CHD8: variants seen among roughly 807,000 people sequenced by gnomAD.
CHD8 encodes ATP-dependent chromatin remodeler CHD8.
A neutral mutation model predicts 279.2 loss-of-function variants in CHD8; 31 were observed. The observed-to-expected ratio is 0.11, with a 90% CI of 0.08 to 0.15. CHD8 has a LOEUF of 0.15. Ranked by LOEUF, CHD8 falls within the 10% of genes least tolerant of loss-of-function variation. The pLI, the probability that CHD8 is intolerant of heterozygous loss-of-function variation, is 1.00. For missense variants in CHD8, 2,146 were observed against 3,230.5 expected, an observed-to-expected ratio of 0.66 and a Z score of 8.14; for synonymous variants, 1,081 against 1,139.6, an observed-to-expected ratio of 0.95 and a Z score of 1.04.
chr14:21,399,922 A>C lies in CHD8; in HGVS notation c.4817+59T>G, dbSNP rs1399266498. The C allele has an allele frequency of 4.3e-6, 6 of 1,399,978 alleles. No individual in the cohort carries two copies. In the African/African-American group the frequency reaches 7.1e-5, roughly 17 times the overall value. 86.7% of individuals were successfully genotyped at this position (1,399,978 alleles called of 1,614,324 possible). ...AAGATAGCATAAAATGAAATAAGCA[A>C]ACCAATCTTCCCTCAAATAAGGTAG... On this transcript the variant is annotated intron_variant, in intron 25 of 37. Transcript: ENST00000646647.
rs1887857831 is a variant in CHD8, at chr14:21,397,875, C to T, written c.4999G>A (p.Ala1667Thr). ...LEKAGRPDDKAIAAEHRVLDN... is the reference protein window; with the variant it reads ...LEKAGRPDDKTIAAEHRVLDN... The stretch of plus-strand genomic sequence containing the variant: ...AACACTCGATGTTCTGCTGCAATTG[C>T]TTTGTCATCTGGTCGGCCAGCCTTT... The change falls in exon 27 of 38, where the codon GCA (alanine) becomes ACA (threonine). Residue 1667 changes from alanine (A) to threonine (T), a missense_variant. Physicochemically the swap from Ala to Thr is moderately conservative, Grantham distance 58. This residue lies in a region of CHD8 where 75 missense variants were observed against 81.3 expected (regional missense o/e 0.92). Transcript: ENST00000646647. The T allele has an allele frequency of 1.2e-6, 2 of 1,613,168 alleles. No homozygotes were observed.
chr14:21,403,481 T>C lies in CHD8; in HGVS notation c.3490A>G (p.Ile1164Val). ...IFSQMVRCLD[I>V]LEDYLIQRRY... ...CTCTGGATTAAATAATCCTCTAGGA[T>C]GTCTAGGCAGCGCACCATCTGAGAG... The change falls in exon 17 of 38, where the codon ATC becomes GTC. Residue 1164 changes from isoleucine to valine, a missense_variant. By Grantham distance (29) the Ile-to-Val change is conservative. Coordinates refer to ENST00000646647, the MANE Select transcript of CHD8 (RefSeq NM_001170629.2). This position sits in a 1 kb window ranked among gnomAD's most constrained non-coding sequence, Gnocchi z 4.3. The C allele has an allele frequency of 1.2e-6, 2 of 1,613,408 alleles. No homozygotes were observed. Among genetic ancestry groups the C allele is most frequent in the Non-Finnish European group, 1.7e-6 (2 of 1,179,452 alleles).
chr14:21,441,625 A>C (rs974794529), intron 1 of CHD8, among the ~76,000 whole-genome samples: 7 of 152,188 alleles, frequency 4.6e-5, no homozygotes, highest in African/African-American at 9.6e-5. Flanking sequence ...GTGGTGGCTC[A>C]TGCCTGTAAT....
At position 21,394,966 on chromosome 14, in the gene CHD8, C is replaced by A; in HGVS notation, c.5336G>T (p.Arg1779Leu). ...TTTCAGCTTGAAGGCTGCTTCACAACGCCGCCTTCGCCGGTCCCCACGTTC... is the reference window on the plus strand; with the variant it reads ...TTTCAGCTTGAAGGCTGCTTCACAAAGCCGCCTTCGCCGGTCCCCACGTTC... ...AAERGDRRRR[R>L]CEAAFKLKEI... Residue 1779 changes from arginine (R) to leucine (L), a missense_variant, in exon 30 of 38, where the codon CGT becomes CTT. Transcript: ENST00000646647. 1 of 1,614,040 alleles carries A rather than the reference C, an allele frequency of 6.2e-7. No homozygotes were observed. Among genetic ancestry groups the A allele is most frequent in the Non-Finnish European group, 8.5e-7 (1 of 1,179,908 alleles).
At position 21,386,183 on chromosome 14, in the gene CHD8, G is replaced by A. The variant is rs1174293428; in HGVS notation, c.7183-7C>T. The A allele has an allele frequency of 1.9e-6, 3 of 1,549,712 alleles. No individual in the cohort carries two copies. The African/African-American group carries it at 4.1e-5, about 21-fold the overall frequency. On this transcript the variant is annotated splice_region_variant and splice_polypyrimidine_tract_variant and intron_variant, in intron 37 of 37. Coordinates refer to ENST00000646647, the MANE Select transcript of CHD8 (RefSeq NM_001170629.2). Reference sequence around the variant, plus strand: ...CCGTTTCAGTGTGATGACCCTAGGAGGAGGGAATAGAAGATAATAAAAAGA... The same window carrying A: ...CCGTTTCAGTGTGATGACCCTAGGAAGAGGGAATAGAAGATAATAAAAAGA...
intron 5 of CHD8, among the ~76,000 whole-genome samples, chr14:21,418,763 C>T (rs1438206067): frequency 3.3e-5 from 5 of 152,198 alleles, no homozygotes; most frequent in South Asian, 2.1e-4. Context: ...TTGCAGGGAG[C>T]GGAGATCGCG....
Position 21,414,520 on chromosome 14 carries a change from G to A in CHD8, c.2025-102C>T, listed in dbSNP as rs555556523. 293 of 655,250 alleles carry A rather than the reference G, an allele frequency of 4.5e-4. 6 individuals are homozygous for A. The South Asian group carries it at 5.1e-3, about 11-fold the overall frequency. 40.6% of individuals were successfully genotyped at this position (655,250 alleles called of 1,614,324 possible). ...GTCAGAAGCAGACATAACAAATACAGGCTTAAATTGGGAGACAGTCTCTTA... is the reference window on the plus strand; with the variant it reads ...GTCAGAAGCAGACATAACAAATACAAGCTTAAATTGGGAGACAGTCTCTTA... On this transcript the variant is annotated intron_variant, in intron 8 of 37. Coordinates refer to ENST00000646647, the MANE Select transcript of CHD8 (RefSeq NM_001170629.2).
intron 27 of CHD8, chr14:21,397,345 A>G (rs1566417436): frequency 1.9e-6 from 1 of 518,984 alleles, no homozygotes; most frequent in Admixed American, 1.9e-5. Context: ...CACCCAAACC[A>G]GGGCAACACT....
chr14:21,405,781 T>C lies in CHD8; in HGVS notation c.2991A>G (p.Ser997=). 6.2e-7 allele frequency: 1 copy of C among 1,613,964 alleles called. No individual in the cohort carries two copies. The change falls in exon 15 of 38, where the codon TCA becomes TCG. Residue 997 remains serine, a synonymous_variant. Coordinates refer to ENST00000646647, the MANE Select transcript of CHD8 (RefSeq NM_001170629.2). This position sits in a 1 kb window ranked among gnomAD's most constrained non-coding sequence, Gnocchi z 4.2. ...GAAACTCTGATTCTGAGGGAAATTG[T>C]GACGGTTCCAAGAAATGAAGCAAGC... ...LFSLLHFLEP[S]QFPSESEFLK...
chr14:21,393,785 G>A lies in CHD8; in HGVS notation c.6010C>T (p.Pro2004Ser). Residue 2004 changes from proline (P) to serine (S), a missense_variant, in exon 32 of 38, where the codon CCT (proline) becomes TCT (serine). By Grantham distance (74) the Pro-to-Ser change is moderately conservative. Coordinates refer to ENST00000646647, the MANE Select transcript of CHD8 (RefSeq NM_001170629.2). ...GTCTCCTCGGGTGACTTTTCAACAG[G>A]AGCATCTGGGCGCAGGGGCAGTGGT... ...ASPLPLRPDA[P>S]VEKSPEETAT... is the part of the protein sequence containing the mutation. The A allele has an allele frequency of 1.2e-6, 2 of 1,613,978 alleles. No homozygotes were observed. The highest frequency in any genetic ancestry group is 1.7e-6 in the Non-Finnish European group (2 of 1,179,878).
chr14:21,389,757 G>A (rs61973165), intron 37 of CHD8, among the ~76,000 whole-genome samples: 7,632 of 152,218 alleles, frequency 0.05, 321 homozygotes, highest in African/African-American at 0.12. Context: ...CATCATAAAA[G>A]TATAAGTAAA....
At position 21,400,737 on chromosome 14, in the gene CHD8, C is replaced by G. The variant is rs1887994049; in HGVS notation, c.4371-125G>C. On this transcript the variant is annotated intron_variant, in intron 22 of 37. Coordinates refer to ENST00000646647, the MANE Select transcript of CHD8 (RefSeq NM_001170629.2). This position sits in a 1 kb window ranked among gnomAD's most constrained non-coding sequence, Gnocchi z 4.2. ...AAACATGGTAACAGAATAAACAGAA[C>G]AAACTCCCTCCAAGGCAAATATTTT... 7.8e-7 allele frequency: 1 copy of G among 1,274,856 alleles called. No individual in the cohort carries two copies. Among genetic ancestry groups the G allele is most frequent in the Non-Finnish European group, 1.1e-6 (1 of 936,644 alleles). 79.0% of individuals were successfully genotyped at this position (1,274,856 alleles called of 1,614,324 possible).
In CHD8 at chr14:21,407,403, C is replaced by T. The variant is rs528918160; in HGVS notation, c.2731-371G>A. 1.4e-4 allele frequency among the ~76,000 whole-genome samples: 22 copies of T among 151,886 alleles called. No individual in the cohort carries two copies. In the South Asian group the frequency reaches 4.4e-3, roughly 30 times the overall value. On this transcript the variant is annotated intron_variant, in intron 13 of 37. Coordinates refer to ENST00000646647, the MANE Select transcript of CHD8 (RefSeq NM_001170629.2). ...ATAATAAAAATGAAAATAGCTAATA[C>T]AGAACATAATATTGGCTGATGTCTA...
At chr14:21,418,443 G>A (rs1888845200) in intron 5 of CHD8, among the ~76,000 whole-genome samples, 1 of 152,012 alleles carries the variant, frequency 6.6e-6, no homozygotes, top group Non-Finnish European at 1.5e-5. Flanking sequence ...TCACTTGAAT[G>A]CAGGAGGCGG....
chr14:21,426,711 C>T (rs1889334930), intron 4 of CHD8: 1 of 152,482 alleles, frequency 6.6e-6, no homozygotes, highest in Admixed American at 6.5e-5. Flanking sequence ...TATAATTACA[C>T]CACAAAGCCT....
At chr14:21,411,291 C>A (rs1385017190) in intron 10 of CHD8, among the ~76,000 whole-genome samples, 1 of 152,132 alleles carries the variant, frequency 6.6e-6, no homozygotes, top group East Asian at 1.9e-4. Flanking sequence ...TACTACCACC[C>A]CAACTTCAAA....
chr14:21,436,811 A>G (rs780815702), intron 1 of CHD8: 24 of 476,824 alleles, frequency 5.0e-5, no homozygotes, highest in Non-Finnish European at 9.1e-5. Context: ...GCACTCATGA[A>G]AAAAGGGAAA....
At position 21,408,886 on chromosome 14, in the gene CHD8, A is replaced by AG; in HGVS notation, c.2365-62dup. The stretch of plus-strand genomic sequence containing the variant: ...ACATTATCAAAAGGTAAGACTTACT[A>AG]GGTAAGTTCTAATAGTTAAAATCAA... On this transcript the variant is annotated intron_variant, in intron 11 of 37. Coordinates refer to ENST00000646647, the MANE Select transcript of CHD8 (RefSeq NM_001170629.2). The surrounding 1 kb of genome is among the most constrained non-coding windows in gnomAD (Gnocchi z 4.3). The AG allele has an allele frequency of 6.6e-7, 1 of 1,506,684 alleles. No individual in the cohort carries two copies. Among genetic ancestry groups the AG allele is most frequent in the South Asian group, 1.2e-5 (1 of 81,852 alleles). 93.3% of individuals were successfully genotyped at this position (1,506,684 alleles called of 1,614,324 possible).
Position 21,400,338 on chromosome 14 carries a change from T to A in CHD8, c.4571-31A>T. ...AAAGGGGAGACATCAAAGACTTGGA[T>A]TGAGAAAAACCCTTGGACCTGAAAA... is the stretch of plus-strand genomic sequence containing the variant. On this transcript the variant is annotated intron_variant, in intron 23 of 37. Coordinates refer to ENST00000646647, the MANE Select transcript of CHD8 (RefSeq NM_001170629.2). The surrounding 1 kb of genome is among the most constrained non-coding windows in gnomAD (Gnocchi z 4.2). The A allele has an allele frequency of 6.2e-7, 1 of 1,612,196 alleles. No individual in the cohort carries two copies.
Sources: gnomAD v4.1 joint callset for allele counts (sites outside exome capture counted in the v4.1 genomes callset) on GRCh38, gnomAD v4.1.1 for gene constraint, gnomAD v4.1.1 regional missense constraint, Gnocchi (gnomAD v3.1) non-coding constraint, MANE v1.5 for transcripts, NCBI Gene and HGNC (gene_info 2026-07-23, HGNC 2026-07-21) for gene names.